The following TMEM51 variants were observed in gnomAD, a reference collection of about 807,000 sequenced individuals.
TMEM51 encodes chromosome 1 open reading frame 72.
In TMEM51, 8 loss-of-function variants were observed where a neutral mutation model predicts 13.6. The observed-to-expected ratio is 0.59, with a 90% CI of 0.35 to 1.07. The LOEUF is 1.07. TMEM51 is among the 50% of genes least tolerant of loss of function. TMEM51 has a pLI of 0.02. For missense variants in TMEM51, 279 were observed against 330.7 expected, an observed-to-expected ratio of 0.84 and a Z score of 1.21; for synonymous variants, 147 against 144.4, an observed-to-expected ratio of 1.02 and a Z score of -0.13.
intron 1 of TMEM51, among the ~76,000 whole-genome samples, chr1:15,189,716 G>A (rs182696550): frequency 6.6e-6 from 1 of 152,328 alleles, no homozygotes; most frequent in East Asian, 1.9e-4. Context: ...GCCAGGGAGT[G>A]TTGGGATGAT....
chr1:15,207,515 A>T lies in TMEM51; in HGVS notation c.-266-2975A>T, dbSNP rs74720985. ...TCACGTTCAAGTTCATGGAGACTCA[A>T]TCCAGATGTGCCTGGCTGTGATGGC... On this transcript the variant is annotated intron_variant, in intron 1 of 3. Transcript: ENST00000376008. The surrounding 1 kb of genome is among the most constrained non-coding windows in gnomAD (Gnocchi z 4.6). Among the ~76,000 whole-genome samples the T allele has an allele frequency of 3.0e-3, 459 of 152,310 alleles. 5 individuals carry two copies. Among genetic ancestry groups the T allele is most frequent in the African/African-American group, 0.011 (438 of 41,566 alleles).
At chr1:15,186,797 T>C (rs1244372174) in intron 1 of TMEM51, among the ~76,000 whole-genome samples, 1 of 134,420 alleles carries the variant, frequency 7.4e-6, no homozygotes, top group Non-Finnish European at 1.6e-5. Flanking sequence ...CTGAGAGCAG[T>C]GGAGAGAGGG....
chr1:15,187,691 C>T (rs1643823487), intron 1 of TMEM51, among the ~76,000 whole-genome samples: 1 of 152,214 alleles, frequency 6.6e-6, no homozygotes, highest in South Asian at 2.1e-4. Flanking sequence ...TGATTTATGA[C>T]CCTCTCTATG....
intron 1 of TMEM51, among the ~76,000 whole-genome samples, chr1:15,209,900 G>A (rs1644312005): frequency 6.6e-6 from 1 of 152,076 alleles, no homozygotes; most frequent in South Asian, 2.1e-4. Flanking sequence ...GTGTGGGGGT[G>A]TGCGCCTGTA....
chr1:15,157,690 A>C (rs1436646955), intron 1 of TMEM51, among the ~76,000 whole-genome samples: 1 of 152,104 alleles, frequency 6.6e-6, no homozygotes, highest in African/African-American at 2.4e-5. Context: ...GTGTCTGCGC[A>C]TTTCCAGGTC....
At chr1:15,164,268 T>G (rs1642906461) in intron 1 of TMEM51, 1 of 435,568 alleles carries the variant, frequency 2.3e-6, no homozygotes, top group African/African-American at 2.0e-5. Context: ...CAATTCAAGA[T>G]GCCACATTGC....
At chr1:15,164,091 A>G (rs144909484) in intron 1 of TMEM51, among the ~76,000 whole-genome samples, 2,587 of 152,046 alleles carry the variant, frequency 0.017, 115 homozygotes, top group African/African-American at 0.059. Context: ...CGGCCTCCCA[A>G]AGTGCTGGGA....
At chr1:15,169,972 G>C (rs1409318234) in intron 1 of TMEM51, among the ~76,000 whole-genome samples, 1 of 152,118 alleles carries the variant, frequency 6.6e-6, no homozygotes, top group Non-Finnish European at 1.5e-5. Flanking sequence ...AGAGAAACAT[G>C]TATGACTTTG....
intron 1 of TMEM51, among the ~76,000 whole-genome samples, chr1:15,170,890 G>A (rs554817615): frequency 1.1e-4 from 16 of 152,176 alleles, no homozygotes; most frequent in Admixed American, 2.6e-4. Context: ...CACCACGCCT[G>A]GCTAATTTTT....
At chr1:15,199,387 GCCCT>G (rs1644111001) in intron 1 of TMEM51, among the ~76,000 whole-genome samples, 1 of 152,032 alleles carries the variant, frequency 6.6e-6, no homozygotes, top group Non-Finnish European at 1.5e-5. Flanking sequence ...CACCCTCCTT[GCCCT>G]CCCAAAGTGC....
intron 1 of TMEM51, among the ~76,000 whole-genome samples, chr1:15,172,056 G>A (rs750516170): frequency 1.4e-4 from 21 of 152,150 alleles, no homozygotes; most frequent in Non-Finnish European, 2.5e-4. Context: ...ACCCAGCCAC[G>A]TTTGAAACTT....
chr1:15,202,115 T>G (rs1254048926), intron 1 of TMEM51, among the ~76,000 whole-genome samples: 3 of 152,216 alleles, frequency 2.0e-5, no homozygotes, highest in African/African-American at 4.8e-5. Context: ...CCAGCAATGT[T>G]AGAACAAGTG....
chr1:15,204,541 C>T (rs1264685495), intron 1 of TMEM51, among the ~76,000 whole-genome samples: 3 of 152,168 alleles, frequency 2.0e-5, no homozygotes, highest in Admixed American at 6.5e-5. Context: ...GGTGAGAGAG[C>T]GAGACCTCAT....
chr1:15,215,177 G>GTGGAGA lies in TMEM51; in HGVS notation c.94_95insGATGGA (p.Trp31_Asn32insArgTrp). 1 of 1,614,230 alleles carries GTGGAGA rather than the reference G, an allele frequency of 6.2e-7. No individual in the cohort carries two copies. The highest frequency in any genetic ancestry group is 8.5e-7 in the Non-Finnish European group (1 of 1,180,042). ...TGGTCCTTGGGGTGATCATGGCCAT[G>GTGGAGA]TGGAACCTGGTACCCGGCTTCAGCG... On this transcript the variant is annotated inframe_insertion, in exon 3 of 4. Transcript: ENST00000376008.
intron 1 of TMEM51, among the ~76,000 whole-genome samples, chr1:15,209,235 C>CATTATTATTATT (rs57675605): frequency 2.6e-4 from 39 of 148,018 alleles, no homozygotes; most frequent in African/African-American, 9.5e-4. Flanking sequence ...ACACTGGGCT[C>CATTATTATTATT]ATTATTATTA....
intron 1 of TMEM51, among the ~76,000 whole-genome samples, chr1:15,208,411 C>T (rs1202122884): frequency 6.6e-6 from 1 of 151,950 alleles, no homozygotes; most frequent in Non-Finnish European, 1.5e-5. Context: ...TCGCTTGAGG[C>T]CAGGAGTTCA....
intron 1 of TMEM51, among the ~76,000 whole-genome samples, chr1:15,206,493 G>C (rs1472486600): frequency 6.6e-6 from 1 of 152,146 alleles, no homozygotes; most frequent in Non-Finnish European, 1.5e-5. Flanking sequence ...GCATAGTGCA[G>C]GCACAGGTGG....
rs370073260 is a variant in TMEM51 at position 15,203,359 on chromosome 1, A to G, written c.-266-7131A>G. On this transcript the variant is annotated intron_variant, in intron 1 of 3. Transcript: ENST00000376008. ...AACCTCCGCCTCCCTGGTTCAAGCC[A>G]TTCTCCTGCCTCAGCCTCCCGAGTA... Among the ~76,000 whole-genome samples, 6 of 151,614 alleles carry G rather than the reference A, an allele frequency of 4.0e-5. No homozygotes were observed. The South Asian group carries it at 1.3e-3, about 32-fold the overall frequency.
intron 1 of TMEM51, among the ~76,000 whole-genome samples, chr1:15,193,064 C>G (rs2100281537): frequency 6.6e-6 from 1 of 152,342 alleles, no homozygotes; most frequent in African/African-American, 2.4e-5. Context: ...TGCTTAGAGG[C>G]TGTTGGCTGA....
Sources: gnomAD v4.1 joint callset for allele counts (sites outside exome capture counted in the v4.1 genomes callset) on GRCh38, gnomAD v4.1.1 for gene constraint, Gnocchi (gnomAD v3.1) non-coding constraint, MANE v1.5 for transcripts, NCBI Gene and HGNC (gene_info 2026-07-23, HGNC 2026-07-21) for gene names.